The following ZNF69 variants were observed in gnomAD, a reference collection of about 807,000 sequenced individuals.
The protein encoded by ZNF69 is zinc finger protein 69, also known as ZNF3.
ZNF69 carries 47 observed loss-of-function variants against 50.9 expected under a neutral mutation model. That is an observed-to-expected ratio of 0.92 (90% CI 0.73 to 1.18). The LOEUF is 1.18. Ranked by LOEUF, ZNF69 falls within the 50% of genes most tolerant of loss-of-function variation. The probability of loss-of-function intolerance (pLI) is 0.00; values close to 1 mark genes in which losing one functional copy is unlikely to be tolerated. For synonymous variants in ZNF69, 216 were observed against 223.1 expected (o/e 0.97, Z 0.29); for missense variants, 717 against 675.1 (o/e 1.06, Z -0.69).
chr19:11,908,487 G>A (rs964615737), downstream of ZNF69, among the ~76,000 whole-genome samples: 3 of 152,274 alleles, frequency 2.0e-5, no homozygotes, highest in Admixed American at 1.3e-4. Context: ...GGACCACAGA[G>A]CAATCAAACT....
At chr19:11,888,733 C>A (rs2145204362) in intron 1 of ZNF69, among the ~76,000 whole-genome samples, 1 of 152,144 alleles carries the variant, frequency 6.6e-6, no homozygotes, top group Non-Finnish European at 1.5e-5. Context: ...TTTGGGAGGC[C>A]AAGGCGGGCG....
chr19:11,961,977 T>C, the ZNF69 span, among the ~76,000 whole-genome samples: 69 of 152,130 alleles, frequency 4.5e-4, no homozygotes, highest in African/African-American at 1.6e-3. Flanking sequence ...TGTTTTCTTT[T>C]TTAAATAAAA....
downstream of ZNF69, among the ~76,000 whole-genome samples, chr19:11,908,350 C>A (rs1163534443): frequency 6.6e-6 from 1 of 152,182 alleles, no homozygotes; most frequent in African/African-American, 2.4e-5. Context: ...ACTCTCCACC[C>A]CAAATCAACA....
At chr19:11,917,789 CT>C (rs74965943), downstream of ZNF69, among the ~76,000 whole-genome samples, 332 of 110,672 alleles carry the variant, frequency 3.0e-3, no homozygotes, top group Middle Eastern at 0.014. Flanking sequence ...CCACACCCTG[CT>C]TTTTTTTTTT....
chr19:11,913,302 G>A (rs557959692), intron 4 of ZNF69: 11 of 529,720 alleles, frequency 2.1e-5, no homozygotes, highest in Admixed American at 1.9e-4. Context: ...ATAACCATGT[G>A]GATAAAATGC....
intron 1 of ZNF69, among the ~76,000 whole-genome samples, chr19:11,889,671 A>G (rs1411360003): frequency 2.0e-5 from 3 of 152,228 alleles, no homozygotes; most frequent in African/African-American, 4.8e-5. Flanking sequence ...GGTAGAGACA[A>G]GAGACTGAGT....
chr19:11,936,535 G>A, the ZNF69 span, among the ~76,000 whole-genome samples: 1 of 152,040 alleles, frequency 6.6e-6, no homozygotes, highest in Non-Finnish European at 1.5e-5. Flanking sequence ...TGATGGGGTT[G>A]TTTGTTTTTT....
rs956481618 is a variant in ZNF69, at chr19:11,904,066, C to T, written c.251+101C>T. On this transcript the variant is annotated intron_variant, in intron 3 of 3. Coordinates refer to ENST00000429654, the MANE Select transcript of ZNF69 (RefSeq NM_001364730.1). ...AAAGAACTAAGTCCAGGATCAAATA[C>T]ATTTATTTTTAGAATATTTGATCAA... The T allele has an allele frequency of 5.0e-6, 7 of 1,391,178 alleles. No homozygotes were observed. The Admixed American group carries it at 6.7e-5, about 13-fold the overall frequency. 86.2% of individuals were successfully genotyped at this position (1,391,178 alleles called of 1,614,324 possible). A position where few individuals can be genotyped will look rare whatever the true frequency, so the allele number is the denominator to read the frequency against.
intron 1 of ZNF69, among the ~76,000 whole-genome samples, chr19:11,902,170 C>T (rs977702773): frequency 9.2e-5 from 14 of 151,750 alleles, no homozygotes; most frequent in African/African-American, 2.2e-4. Context: ...TTAGTAGAGA[C>T]GGCATTTCTC....
At chr19:11,944,504 A>G in the ZNF69 span, among the ~76,000 whole-genome samples, 1 of 152,182 alleles carries the variant, frequency 6.6e-6, no homozygotes, top group Non-Finnish European at 1.5e-5. Context: ...GTCAGCCACA[A>G]ACGCTGGCCT....
chr19:11,963,553 C>G, the ZNF69 span, among the ~76,000 whole-genome samples: 1 of 152,078 alleles, frequency 6.6e-6, no homozygotes, highest in Non-Finnish European at 1.5e-5. Context: ...GACTCTCTTC[C>G]CCCTCCTCAT....
chr19:11,904,384 GAA>G (rs1972315323), intron 3 of ZNF69, among the ~76,000 whole-genome samples: 1 of 152,072 alleles, frequency 6.6e-6, no homozygotes, highest in Non-Finnish European at 1.5e-5. Context: ...CTAAATAAAA[GAA>G]AAATGACACA....
At chr19:11,888,674 A>C (rs1428302899) in intron 1 of ZNF69, among the ~76,000 whole-genome samples, 1 of 152,152 alleles carries the variant, frequency 6.6e-6, no homozygotes, top group Non-Finnish European at 1.5e-5. Flanking sequence ...TTAGGCAGAA[A>C]GGGAGGGACC....
chr19:11,924,160 C>A, the ZNF69 span, among the ~76,000 whole-genome samples: 1 of 151,826 alleles, frequency 6.6e-6, no homozygotes, highest in Non-Finnish European at 1.5e-5. Flanking sequence ...TGGCCGGGCG[C>A]GGTGGCTCAC....
the ZNF69 span, among the ~76,000 whole-genome samples, chr19:11,977,589 G>A: frequency 2.6e-5 from 4 of 152,150 alleles, no homozygotes; most frequent in Non-Finnish European, 1.5e-5. Flanking sequence ...CTAAGTCTGA[G>A]GGCTCACTCC....
At chr19:11,890,476 G>T (rs1258959537) in intron 1 of ZNF69, among the ~76,000 whole-genome samples, 2 of 152,200 alleles carry the variant, frequency 1.3e-5, no homozygotes, top group Non-Finnish European at 2.9e-5. Context: ...GCACAGGGTT[G>T]GGGCTAAAGT....
At chr19:11,912,235 C>T (rs1468284256) in intron 4 of ZNF69, among the ~76,000 whole-genome samples, 1 of 151,982 alleles carries the variant, frequency 6.6e-6, no homozygotes, top group Non-Finnish European at 1.5e-5. Flanking sequence ...CATAATTTCT[C>T]TTCTTTGCAA....
At chr19:11,947,128 C>G in the ZNF69 span, 1 of 1,597,432 alleles carries the variant, frequency 6.3e-7, no homozygotes, top group South Asian at 1.1e-5. Flanking sequence ...GAGTCTAGGC[C>G]TCCAGTGCTG....
At chr19:11,960,027 GT>G in the ZNF69 span, among the ~76,000 whole-genome samples, 49 of 138,780 alleles carry the variant, frequency 3.5e-4, no homozygotes, top group Admixed American at 1.0e-3. Context: ...AATTTGTAGT[GT>G]TTTTTTTTTC....
Sources: allele counts gnomAD v4.1 joint callset (sites outside exome capture counted in the v4.1 genomes callset), GRCh38; gene constraint gnomAD v4.1.1; transcripts MANE v1.5; gene names NCBI Gene and HGNC (gene_info 2026-07-23, HGNC 2026-07-21).